The following CSMD1 variants were observed in gnomAD, a reference collection of about 807,000 sequenced individuals.
CSMD1 encodes CUB and Sushi multiple domains 1.
Under a neutral mutation model 417.5 loss-of-function variants are expected in CSMD1, and 213 were observed. The ratio of observed to expected loss-of-function variants is 0.51; its 90% CI spans 0.46 to 0.57. The LOEUF (loss-of-function observed/expected upper bound fraction) is 0.57, where lower values mean the gene tolerates loss of function less well. Among genes scored for constraint, CSMD1 ranks in the 20% least tolerant of loss-of-function variants. CSMD1 has a pLI of 0.00. For synonymous variants in CSMD1, 2,862 were observed against 1,736.8 expected (o/e 1.65, Z -16.11); for missense variants, 6,923 against 4,529.7 (o/e 1.53, Z -15.17).
intron 41 of CSMD1, among the ~76,000 whole-genome samples, chr8:3,142,188 G>C (rs1225682784): frequency 6.6e-6 from 1 of 152,158 alleles, no homozygotes; most frequent in African/African-American, 2.4e-5. Flanking sequence ...ATCTGGCTCT[G>C]CGTGAATTAC....
intron 3 of CSMD1, among the ~76,000 whole-genome samples, chr8:4,184,299 TG>T (rs1193518455): frequency 6.6e-6 from 1 of 152,200 alleles, no homozygotes; most frequent in African/African-American, 2.4e-5. Flanking sequence ...CAGGAATTAA[TG>T]GCTGAGGCTA....
intron 1 of CSMD1, among the ~76,000 whole-genome samples, chr8:4,755,461 A>G (rs1811607062): frequency 6.6e-6 from 1 of 152,150 alleles, no homozygotes; most frequent in South Asian, 2.1e-4. Context: ...AAATAAATTT[A>G]CTGTTTCTAT....
intron 5 of CSMD1, among the ~76,000 whole-genome samples, chr8:3,939,559 AT>A (rs1401802000): frequency 5.3e-5 from 8 of 152,172 alleles, no homozygotes; most frequent in Non-Finnish European, 1.0e-4. Flanking sequence ...AAAAAGGCAC[AT>A]GCACAAGCAT....
chr8:4,594,195 CT>C (rs771415822), intron 2 of CSMD1, among the ~76,000 whole-genome samples: 2,569 of 92,292 alleles, frequency 0.028, 57 homozygotes, highest in African/African-American at 0.086. Flanking sequence ...CTAAAGTGAT[CT>C]TTTTTTTTTT....
intron 49 of CSMD1, among the ~76,000 whole-genome samples, chr8:3,086,063 G>A (rs1039142168): frequency 1.5e-4 from 23 of 152,122 alleles, no homozygotes; most frequent in Admixed American, 1.1e-3. Context: ...AGACCATGGC[G>A]TGTTCTCTGA....
At chr8:4,944,253 A>G (rs2117251584) in intron 1 of CSMD1, among the ~76,000 whole-genome samples, 1 of 152,324 alleles carries the variant, frequency 6.6e-6, no homozygotes, top group African/African-American at 2.4e-5. Flanking sequence ...AGCGACCTCA[A>G]CAGAGCTCTG....
At chr8:3,270,850 T>C (rs1585872470) in intron 26 of CSMD1, among the ~76,000 whole-genome samples, 1 of 152,180 alleles carries the variant, frequency 6.6e-6, no homozygotes, top group South Asian at 2.1e-4. Flanking sequence ...CAGTTTCACA[T>C]GGCTGGGGAG....
chr8:4,746,760 A>G (rs1047968884), intron 1 of CSMD1, among the ~76,000 whole-genome samples: 3 of 152,308 alleles, frequency 2.0e-5, no homozygotes, highest in African/African-American at 7.2e-5. Context: ...CCTTCACTAC[A>G]GCAGCGAGGT....
intron 1 of CSMD1, among the ~76,000 whole-genome samples, chr8:4,723,600 A>T (rs1809206039): frequency 6.6e-6 from 1 of 152,104 alleles, no homozygotes; most frequent in Non-Finnish European, 1.5e-5. Context: ...AAAAGAGGAC[A>T]TTTAAAAAGC....
intron 1 of CSMD1, among the ~76,000 whole-genome samples, chr8:4,977,359 C>T (rs1248316690): frequency 1.3e-5 from 2 of 152,128 alleles, no homozygotes; most frequent in Non-Finnish European, 2.9e-5. Context: ...TTACCCCAGG[C>T]CCACTGAGCA....
chr8:4,025,589 A>C (rs1797019500), intron 4 of CSMD1, among the ~76,000 whole-genome samples: 1 of 152,208 alleles, frequency 6.6e-6, no homozygotes, highest in Middle Eastern at 3.2e-3. Flanking sequence ...GAAGTGAAAC[A>C]GTAAATCCTT....
chr8:4,548,173 A>G (rs1397697220), intron 2 of CSMD1, among the ~76,000 whole-genome samples: 1 of 152,206 alleles, frequency 6.6e-6, no homozygotes, highest in Non-Finnish European at 1.5e-5. Flanking sequence ...GACTCCTACA[A>G]GAGCTTATGT....
At chr8:3,288,657 A>G (rs1379316846) in intron 25 of CSMD1, among the ~76,000 whole-genome samples, 1 of 146,418 alleles carries the variant, frequency 6.8e-6, no homozygotes, top group Admixed American at 6.7e-5. Flanking sequence ...CCCTTTTATC[A>G]TTTTTTATTG....
At chr8:4,105,921 G>A (rs1309122029) in intron 3 of CSMD1, among the ~76,000 whole-genome samples, 1 of 152,206 alleles carries the variant, frequency 6.6e-6, no homozygotes, top group Non-Finnish European at 1.5e-5. Flanking sequence ...TTCAGCCCAA[G>A]GTTCGGTGCG....
chr8:4,363,955 A>T (rs1312789072), intron 3 of CSMD1, among the ~76,000 whole-genome samples: 3 of 152,226 alleles, frequency 2.0e-5, no homozygotes, highest in Non-Finnish European at 4.4e-5. Context: ...CAAAAAAGAA[A>T]GAATGAGTAA....
At chr8:4,541,152 T>A (rs73182958) in intron 2 of CSMD1, among the ~76,000 whole-genome samples, 1 of 152,060 alleles carries the variant, frequency 6.6e-6, no homozygotes, top group African/African-American at 2.4e-5. Context: ...TTTAAGCCAA[T>A]AGTGGTGCCA....
At chr8:3,961,383 C>A (rs576170311) in intron 5 of CSMD1, among the ~76,000 whole-genome samples, 6 of 152,216 alleles carry the variant, frequency 3.9e-5, no homozygotes, top group Non-Finnish European at 8.8e-5. Context: ...TATCTAGACT[C>A]CACTGTACAC....
intron 10 of CSMD1, among the ~76,000 whole-genome samples, chr8:3,495,950 G>C (rs10087592): frequency 6.6e-6 from 1 of 152,078 alleles, no homozygotes; most frequent in African/African-American, 2.4e-5. Flanking sequence ...GGATGTGCAG[G>C]TTTGGGACAT....
chr8:3,680,377 T>C (rs1295252071), intron 7 of CSMD1, among the ~76,000 whole-genome samples: 1 of 152,022 alleles, frequency 6.6e-6, no homozygotes, highest in Non-Finnish European at 1.5e-5. Flanking sequence ...CCCACAGAAA[T>C]ACAAACTACC....
Sources: allele counts gnomAD v4.1 joint callset (sites outside exome capture counted in the v4.1 genomes callset), GRCh38; gene constraint gnomAD v4.1.1; transcripts MANE v1.5; gene names NCBI Gene and HGNC (gene_info 2026-07-23, HGNC 2026-07-21).